Variants in SLCO2B1 observed in about 807,000 individuals in gnomAD.
SLCO2B1 encodes solute carrier organic anion transporter family member 2B1.
Under a neutral mutation model 67.3 loss-of-function variants are expected in SLCO2B1, and 41 were observed. The ratio of observed to expected loss-of-function variants is 0.61; its 90% CI spans 0.47 to 0.79. The LOEUF (loss-of-function observed/expected upper bound fraction) is 0.79, where lower values mean the gene tolerates loss of function less well. Ranked by LOEUF, SLCO2B1 falls within the 30% of genes least tolerant of loss-of-function variation. The probability of loss-of-function intolerance (pLI) is 0.00; values close to 1 mark genes in which losing one functional copy is unlikely to be tolerated. For synonymous variants in SLCO2B1, 379 were observed against 381.4 expected (o/e 0.99, Z 0.07); for missense variants, 837 against 920.1 (o/e 0.91, Z 1.17).
At chr11:75,198,708 C>T (rs1026828848) in intron 10 of SLCO2B1, among the ~76,000 whole-genome samples, 1 of 152,200 alleles carries the variant, frequency 6.6e-6, no homozygotes, top group African/African-American at 2.4e-5. Context: ...GGCCTGGAAT[C>T]GTGTCTTGAC....
intron 7 of SLCO2B1, among the ~76,000 whole-genome samples, chr11:75,179,217 G>GTTTTTTTT: frequency 4.0e-5 from 4 of 99,564 alleles, no homozygotes; most frequent in African/African-American, 1.7e-4. Flanking sequence ...GGATACATGA[G>GTTTTTTTT]ATTTTTTTTT....
chr11:75,169,247 G>A lies in SLCO2B1; in HGVS notation c.523G>A (p.Gly175Ser), dbSNP rs1949930310. 1.9e-6 allele frequency: 3 copies of A among 1,614,004 alleles called. No homozygotes were observed. Among genetic ancestry groups the A allele is most frequent in the Non-Finnish European group, 2.5e-6 (3 of 1,180,026 alleles). ...GGCCCCAGCCTCGGCCCCCTCCAATGGCAACTGCTCAAGCTACACAGAAAC... is the reference window on the plus strand; with the variant it reads ...GGCCCCAGCCTCGGCCCCCTCCAATAGCAACTGCTCAAGCTACACAGAAAC... The part of the protein sequence containing the change: ...TSAPASAPSN[G>S]NCSSYTETQH... Residue 175 changes from glycine (G) to serine (S), a missense_variant, in exon 5 of 14, where the codon GGC becomes AGC. Transcript: ENST00000289575.
intron 1 of SLCO2B1, 96 bp downstream of exon 1, chr11:75,151,493 G>T: frequency 7.5e-7 from 1 of 1,332,762 alleles, no homozygotes; most frequent in Admixed American, 1.8e-5. Context: ...GAGTGGGTGG[G>T]ATGGGTGCTC....
At chr11:75,202,835 T>C (rs958197152) in intron 11 of SLCO2B1, 66 bp from the exon 12 acceptor site, 35 of 1,389,614 alleles carry the variant, frequency 2.5e-5, no homozygotes, top group African/African-American at 9.9e-5. Context: ...CCCTTCAACG[T>C]TGATGCATGG....
At chr11:75,200,430 T>C (rs1591838678) in intron 11 of SLCO2B1, 43 bp downstream of exon 11, 6 of 1,528,112 alleles carry the variant, frequency 3.9e-6, no homozygotes, top group Non-Finnish European at 5.3e-6. Flanking sequence ...TACCAGGAGG[T>C]CCTTAACCAC....
rs536381859 is a variant in SLCO2B1, at chr11:75,199,910, A to T, written c.1600-314A>T. 1.4e-5 allele frequency: 5 copies of T among 347,798 alleles called. No homozygotes were observed. In the East Asian group the frequency reaches 2.8e-4, roughly 20 times the overall value. The allele number at this position is 347,798 out of a possible 1,614,324, so 21.5% of individuals were successfully genotyped here. On this transcript the variant is annotated intron_variant, in intron 10 of 13. Transcript: ENST00000289575. The stretch of plus-strand genomic sequence containing the variant: ...ATGGCCAGCCTGGGGATGTTTTCTT[A>T]CAGTTGGTGTGTAGAATGTGGGGGA...
At chr11:75,188,400 T>TGCCC (rs1322961548) in intron 8 of SLCO2B1, among the ~76,000 whole-genome samples, 162 bp downstream of exon 8, 2 of 152,240 alleles carry the variant, frequency 1.3e-5, no homozygotes, top group Non-Finnish European at 2.9e-5. Context: ...CAATCCTCTC[T>TGCCC]GCCTGGACCA....
At chr11:75,190,051 A>C (rs1944995353) in intron 8 of SLCO2B1, among the ~76,000 whole-genome samples, 1 of 151,156 alleles carries the variant, frequency 6.6e-6, no homozygotes. Flanking sequence ...GAGGGCTTGG[A>C]CTCCATGCAT....
chr11:75,200,188 G>A, intron 10 of SLCO2B1, 36 bp from the exon 11 acceptor site: 2 of 1,574,314 alleles, frequency 1.3e-6, no homozygotes, highest in South Asian at 1.2e-5. Context: ...TGCCCTTGGA[G>A]GCTCTTGAAG....
intron 7 of SLCO2B1, among the ~76,000 whole-genome samples, chr11:75,177,295 T>C (rs568430301): frequency 6.6e-6 from 1 of 152,220 alleles, no homozygotes; most frequent in African/African-American, 2.4e-5. Context: ...GTTCTGTTCC[T>C]AAAAACCAGC....
At chr11:75,181,236 G>C (rs969514903) in intron 7 of SLCO2B1, among the ~76,000 whole-genome samples, 6 of 152,018 alleles carry the variant, frequency 3.9e-5, no homozygotes, top group Non-Finnish European at 8.8e-5. Context: ...CAGGCATGGT[G>C]GTGGGTGCCT....
intron 1 of SLCO2B1, 68 bp from the exon 2 acceptor site, chr11:75,162,587 A>C: frequency 2.0e-6 from 3 of 1,524,490 alleles, no homozygotes; most frequent in Non-Finnish European, 2.6e-6. Flanking sequence ...GTCTAGGGCT[A>C]TCTAATCAGG....
At chr11:75,192,050 C>T (rs2140336376) in intron 8 of SLCO2B1, among the ~76,000 whole-genome samples, 2 of 152,120 alleles carry the variant, frequency 1.3e-5, no homozygotes, top group South Asian at 2.1e-4. Flanking sequence ...AGCATTTGCC[C>T]CTCCTGGGCC....
chr11:75,178,830 CT>C (rs1470260951), intron 7 of SLCO2B1, among the ~76,000 whole-genome samples: 1 of 152,128 alleles, frequency 6.6e-6, no homozygotes, highest in African/African-American at 2.4e-5. Context: ...ATGAGTTTGG[CT>C]TTTTTATATT....
intron 1 of SLCO2B1, among the ~76,000 whole-genome samples, chr11:75,154,833 G>A (rs769207061): frequency 3.9e-5 from 6 of 152,220 alleles, no homozygotes; most frequent in Non-Finnish European, 7.3e-5. Context: ...TTCATGATCC[G>A]AGTGAGATGG....
intron 1 of SLCO2B1, among the ~76,000 whole-genome samples, chr11:75,158,392 G>C (rs755493912): frequency 2.0e-5 from 3 of 152,242 alleles, no homozygotes; most frequent in Non-Finnish European, 4.4e-5. Flanking sequence ...ATTGCACAAA[G>C]AGTGTGTGAG....
In SLCO2B1 at chr11:75,193,379, A is replaced by G. The variant is rs921877534; in HGVS notation, c.1237A>G (p.Ile413Val). 6.2e-7 allele frequency: 1 copy of G among 1,614,192 alleles called. No homozygotes were observed. Among genetic ancestry groups the G allele is most frequent in the Non-Finnish European group, 8.5e-7 (1 of 1,180,022 alleles). The change falls in exon 9 of 14, where the codon ATC becomes GTC. Residue 413 changes from isoleucine (I) to valine (V), a missense_variant. Ile to Val is a conservative substitution (Grantham distance 29). Transcript: ENST00000289575. This position sits in a 1 kb window ranked among gnomAD's most constrained non-coding sequence, Gnocchi z 4.2. ...CACAGCCTCCTACGCCAACCTGCTC[A>G]TCGGCTGCCTCTCCTTCCCTTCGGT... is the stretch of plus-strand genomic sequence containing the variant. ...SITASYANLL[I>V]GCLSFPSVIV...
intron 7 of SLCO2B1, among the ~76,000 whole-genome samples, chr11:75,186,577 T>A (rs965462282): frequency 3.3e-5 from 5 of 152,030 alleles, no homozygotes; most frequent in African/African-American, 9.7e-5. Flanking sequence ...GGTCTTGAAC[T>A]CCTGGGCTCA....
rs79874576 is a variant in SLCO2B1 at position 75,182,170 on chromosome 11, A to G, written c.973-5966A>G. ...CTCCCTTTCTATCTACCCAAACCCCAAAGCTCACTTCTCCCTGGATGTCAC... is the reference window on the plus strand; with the variant it reads ...CTCCCTTTCTATCTACCCAAACCCCGAAGCTCACTTCTCCCTGGATGTCAC... On this transcript the variant is annotated intron_variant, in intron 7 of 13. Transcript: ENST00000289575. Among the ~76,000 whole-genome samples the G allele has an allele frequency of 4.1e-3, 626 of 152,104 alleles. 8 individuals are homozygous for G. Among genetic ancestry groups the G allele is most frequent in the African/African-American group, 0.014 (587 of 41,480 alleles).
Sources: allele counts gnomAD v4.1 joint callset (sites outside exome capture counted in the v4.1 genomes callset), GRCh38; gene constraint gnomAD v4.1.1; non-coding constraint Gnocchi (gnomAD v3.1); transcripts MANE v1.5; gene names NCBI Gene and HGNC (gene_info 2026-07-23, HGNC 2026-07-21).